The following TYRP1 variants were observed in gnomAD, a reference collection of about 807,000 sequenced individuals.
The protein encoded by TYRP1 is tyrosinase related protein 1, also known as 5,6-dihydroxyindole-2-carboxylic acid oxidase.
Under a neutral mutation model 42.8 loss-of-function variants are expected in TYRP1, and 49 were observed. The ratio of observed to expected loss-of-function variants is 1.14; its 90% confidence interval spans 0.91 to 1.45. The LOEUF is 1.45. Ranked by LOEUF, TYRP1 falls within the 40% of genes most tolerant of loss-of-function variation. The probability of loss-of-function intolerance (pLI) is 0.00; values close to 1 mark genes in which losing one functional copy is unlikely to be tolerated. For synonymous variants in TYRP1, 279 were observed against 235.4 expected (o/e 1.19, Z -1.69); for missense variants, 848 against 662.0 (o/e 1.28, Z -3.08).
chr9:12,702,799 GT>G lies in TYRP1; in HGVS notation c.1081+371del, dbSNP rs548364012. On this transcript the variant is annotated intron_variant, in intron 5 of 7. Coordinates refer to ENST00000388918, the MANE Select transcript of TYRP1 (RefSeq NM_000550.3). Reference sequence around the variant, plus strand: ...TTTGACAGTGTATTAAATTAGTTTAGTTTTTTTTTTAAATAGAGTAATAAAA... The same window carrying G: ...TTTGACAGTGTATTAAATTAGTTTAGTTTTTTTTTAAATAGAGTAATAAAA... Among the ~76,000 whole-genome samples the G allele has an allele frequency of 3.3e-3, 499 of 149,020 alleles. 1 individual carries two copies. Among genetic ancestry groups the G allele is most frequent in the African/African-American group, 0.01 (413 of 40,722 alleles).
At position 12,707,998 on chromosome 9, in the gene TYRP1, T is replaced by C. The variant is rs150370598; in HGVS notation, c.1263T>C (p.Asp421=). Reference sequence around the variant, plus strand: ...TACGTTGTCTTTGGAATAATTTAGATATATCCACATTTCCATTGGAAAATG... The same window carrying C: ...TACGTTGTCTTTGGAATAATTTAGACATATCCACATTTCCATTGGAAAATG... ...FDEWLRRYNA[D]ISTFPLENAP... is the part of the protein sequence containing the mutation. The change falls in exon 7 of 8, where the codon GAT becomes GAC. Residue 421 remains aspartate (D), a splice_region_variant and synonymous_variant. Transcript: ENST00000388918. The C allele has an allele frequency of 3.4e-4, 540 of 1,610,460 alleles. 2 individuals are homozygous for C. Among genetic ancestry groups the C allele is most frequent in the Middle Eastern group, 1.6e-4 (1 of 6,062 alleles).
At chr9:12,695,209 A>G (rs1008722510) in intron 2 of TYRP1, among the ~76,000 whole-genome samples, 2 of 152,196 alleles carry the variant, frequency 1.3e-5, no homozygotes, top group African/African-American at 4.8e-5. Context: ...AAATTCCAAC[A>G]AAAATGCCAA....
chr9:12,705,825 TGACAGA>T (rs1304103427), intron 6 of TYRP1, among the ~76,000 whole-genome samples: 2 of 149,790 alleles, frequency 1.3e-5, no homozygotes, highest in African/African-American at 5.0e-5. Flanking sequence ...CTAGCCTGGC[TGACAGA>T]GACAGAGTTA....
At chr9:12,694,878 T>C (rs1366081986) in intron 2 of TYRP1, among the ~76,000 whole-genome samples, 1 of 152,188 alleles carries the variant, frequency 6.6e-6, no homozygotes. Flanking sequence ...GCAGACTAAA[T>C]AGCATTAAAT....
At position 12,694,274 on chromosome 9, in the gene TYRP1, G is replaced by C; in HGVS notation, c.278G>C (p.Arg93Pro). 3 of 1,613,812 alleles carry C rather than the reference G, an allele frequency of 1.9e-6. No homozygotes were observed. The highest frequency in any genetic ancestry group is 2.5e-6 in the Non-Finnish European group (3 of 1,179,924). Residue 93 changes from arginine (R) to proline (P), a missense_variant, in exon 2 of 8, where the codon CGC (arginine) becomes CCC (proline). Coordinates refer to ENST00000388918, the MANE Select transcript of TYRP1 (RefSeq NM_000550.3). Reference protein sequence around the residue: ...GRDDREVWPLRFFNRTCHCNG... With the variant: ...GRDDREVWPLPFFNRTCHCNG... ...GATGATCGGGAGGTCTGGCCCTTGCGCTTCTTCAATAGGACATGTCACTGC... is the reference window on the plus strand; with the variant it reads ...GATGATCGGGAGGTCTGGCCCTTGCCCTTCTTCAATAGGACATGTCACTGC...
At chr9:12,694,900 A>G (rs1305813126) in intron 2 of TYRP1, among the ~76,000 whole-genome samples, 3 of 152,204 alleles carry the variant, frequency 2.0e-5, no homozygotes, top group African/African-American at 7.2e-5. Context: ...ACAAAGCACT[A>G]AACAGTAACA....
Sources: gnomAD v4.1 joint callset for allele counts (sites outside exome capture counted in the v4.1 genomes callset) on GRCh38, gnomAD v4.1.1 for gene constraint, MANE v1.5 for transcripts, NCBI Gene and HGNC (gene_info 2026-07-23, HGNC 2026-07-21) for gene names.